CMSS1: variants seen among roughly 807,000 people sequenced by gnomAD.
CMSS1 encodes protein CMSS1.
A neutral mutation model predicts 43.5 loss-of-function variants in CMSS1; 33 were observed. The observed-to-expected ratio is 0.76, with a 90% CI of 0.57 to 1.01. CMSS1 has a LOEUF of 1.01. Among genes scored for constraint, CMSS1 ranks in the 50% least tolerant of loss-of-function variants. The pLI is 0.00. For synonymous variants in CMSS1, 115 were observed against 117.2 expected (o/e 0.98, Z 0.12); for missense variants, 313 against 326.4 (o/e 0.96, Z 0.32).
chr3:100,090,178 C>T (rs1377317547), intron 1 of CMSS1, among the ~76,000 whole-genome samples: 1 of 152,198 alleles, frequency 6.6e-6, no homozygotes, highest in African/African-American at 2.4e-5. Flanking sequence ...TCTATGAATG[C>T]CCCTTCTAGT....
intron 1 of CMSS1, among the ~76,000 whole-genome samples, chr3:100,046,152 G>C (rs551480193): frequency 1.1e-4 from 17 of 152,202 alleles, no homozygotes; most frequent in Non-Finnish European, 2.4e-4. Flanking sequence ...TCAATAACAG[G>C]CTCATCAAAT....
chr3:100,172,196 A>G, intron 7 of CMSS1, 120 bp from the exon 8 acceptor site: 8 of 872,896 alleles, frequency 9.2e-6, no homozygotes, highest in Non-Finnish European at 1.4e-5. Flanking sequence ...TCGACCCTAC[A>G]CAAGGGTAGC....
chr3:100,161,213 C>G (rs899991189), intron 3 of CMSS1, among the ~76,000 whole-genome samples: 4 of 152,208 alleles, frequency 2.6e-5, no homozygotes, highest in Non-Finnish European at 5.9e-5. Flanking sequence ...GGACTCAAAC[C>G]TATTACTTAA....
intron 1 of CMSS1, among the ~76,000 whole-genome samples, chr3:100,122,853 T>C (rs938885914): frequency 6.6e-6 from 1 of 152,228 alleles, no homozygotes; most frequent in African/African-American, 2.4e-5. Flanking sequence ...AGATTTATGG[T>C]AGTACAATAG....
Position 100,160,451 on chromosome 3 carries a change from C to T in CMSS1, c.175C>T (p.Gln59Ter). ...TKQPKECFLIQPKERKENTTK... is the reference protein window; with the variant it reads ...TKQPKECFLI ...ATAGCCTAAAGAATGTTTTTTGATA[C>T]AACCAAAGGAAAGAAAAGAGAATAC... Residue 59 changes from glutamine to a stop codon, truncating the protein, a stop_gained, in exon 3 of 10, where the codon CAA (glutamine) becomes TAA (stop). Coordinates refer to ENST00000421999, the MANE Select transcript of CMSS1 (RefSeq NM_032359.4). LOFTEE classifies it high-confidence loss of function. 6.7e-7 allele frequency: 1 copy of T among 1,502,272 alleles called. No individual in the cohort carries two copies. Among genetic ancestry groups the T allele is most frequent in the Admixed American group, 1.7e-5 (1 of 58,010 alleles). 93.1% of individuals were successfully genotyped at this position (1,502,272 alleles called of 1,614,324 possible).
intron 1 of CMSS1, among the ~76,000 whole-genome samples, chr3:100,069,389 G>A (rs1206061951): frequency 6.6e-6 from 1 of 152,068 alleles, no homozygotes; most frequent in African/African-American, 2.4e-5. Flanking sequence ...CCAGCCATTA[G>A]CTGCCCACAT....
chr3:99,849,623 C>T, intron 1 of CMSS1: 1 of 1,613,422 alleles, frequency 6.2e-7, no homozygotes, highest in Non-Finnish European at 8.5e-7. Context: ...TTGTACTTAG[C>T]AAGTTCCATT....
At chr3:100,071,949 C>T (rs369226378) in intron 1 of CMSS1, among the ~76,000 whole-genome samples, 10 of 152,098 alleles carry the variant, frequency 6.6e-5, no homozygotes, top group South Asian at 4.2e-4. Context: ...GTGTCTTGAT[C>T]GGCAGACTGA....
intron 1 of CMSS1, among the ~76,000 whole-genome samples, chr3:100,126,394 A>C (rs898826334): frequency 2.0e-5 from 3 of 152,190 alleles, no homozygotes; most frequent in Non-Finnish European, 4.4e-5. Context: ...ACTTCTCTTG[A>C]GTAATTGATT....
chr3:99,856,484 C>G (rs1943973034), intron 1 of CMSS1, among the ~76,000 whole-genome samples: 1 of 152,142 alleles, frequency 6.6e-6, no homozygotes, highest in African/African-American at 2.4e-5. Flanking sequence ...AGTGAATCCG[C>G]TCCAATAAAA....
intron 1 of CMSS1, among the ~76,000 whole-genome samples, chr3:100,127,222 G>C (rs2107496756): frequency 6.6e-6 from 1 of 152,286 alleles, no homozygotes; most frequent in East Asian, 1.9e-4. Context: ...GCTTTGTTGT[G>C]ATTATTTTAA....
At position 100,066,183 on chromosome 3, in the gene CMSS1, A is replaced by G. The variant is rs1004453768; in HGVS notation, c.65-80790A>G. Among the ~76,000 whole-genome samples the G allele has an allele frequency of 2.2e-4, 34 of 152,202 alleles. 1 individual carries two copies. Among genetic ancestry groups the G allele is most frequent in the Admixed American group, 2.0e-3 (31 of 15,286 alleles). On this transcript the variant is annotated intron_variant, in intron 1 of 9. Coordinates refer to ENST00000421999, the MANE Select transcript of CMSS1 (RefSeq NM_032359.4). ...TTTCTGATAGCTAAGAGCTGACAGC[A>G]GTATAATGATTTTGTTTTACCATGT...
intron 1 of CMSS1, among the ~76,000 whole-genome samples, chr3:100,133,047 C>T (rs1448934206): frequency 6.6e-6 from 1 of 151,948 alleles, no homozygotes; most frequent in African/African-American, 2.4e-5. Flanking sequence ...CTTTTAAAAA[C>T]ATGTATACCT....
At chr3:99,872,329 G>GTGTGTGTGTGTGTGTGTGTGTGTGT (rs1576535518) in intron 1 of CMSS1, among the ~76,000 whole-genome samples, 1 of 150,460 alleles carries the variant, frequency 6.6e-6, no homozygotes, top group Non-Finnish European at 1.5e-5. Context: ...GTGTGACTGT[G>GTGTGTGTGTGTGTGTGTGTGTGTGT]GGGCCTGGGG....
intron 1 of CMSS1, among the ~76,000 whole-genome samples, chr3:100,088,011 A>G (rs1368404741): frequency 6.6e-6 from 1 of 151,838 alleles, no homozygotes; most frequent in African/African-American, 2.4e-5. Context: ...TTATATTTGT[A>G]GTAGAGATGG....
intron 1 of CMSS1, among the ~76,000 whole-genome samples, chr3:100,082,693 T>C (rs1281408050): frequency 6.6e-6 from 1 of 152,244 alleles, no homozygotes; most frequent in African/African-American, 2.4e-5. Flanking sequence ...GAAGCCTTTA[T>C]AGATGCCACA....
At chr3:99,885,151 T>C (rs1172386783) in intron 1 of CMSS1, among the ~76,000 whole-genome samples, 1 of 152,230 alleles carries the variant, frequency 6.6e-6, no homozygotes, top group African/African-American at 2.4e-5. Flanking sequence ...TCAATTCTAA[T>C]GGAAACTGTT....
chr3:100,178,700 G>A lies in CMSS1; in HGVS notation c.*312G>A, dbSNP rs558256817. The A allele has an allele frequency of 8.3e-4, 189 of 228,810 alleles. 1 individual carries two copies. The highest frequency in any genetic ancestry group is 1.4e-3 in the South Asian group (18 of 12,482). The allele number at this position is 228,810 out of a possible 1,614,324, so 14.2% of individuals were successfully genotyped here. On this transcript the variant is annotated 3_prime_UTR_variant, in exon 10 of 10. Coordinates refer to ENST00000421999, the MANE Select transcript of CMSS1 (RefSeq NM_032359.4). ...AGCAGCTGGGTGACCTTAGGCAAGC[G>A]TAAGGTCTTGCCTCTCTGAGCCCCA...
intron 1 of CMSS1, among the ~76,000 whole-genome samples, chr3:100,130,492 C>T (rs1317398335): frequency 2.0e-5 from 3 of 152,148 alleles, no homozygotes; most frequent in Admixed American, 2.0e-4. Flanking sequence ...GGATCCTATG[C>T]TGCCTCCAGA....
Sources: gnomAD v4.1 joint callset for allele counts (sites outside exome capture counted in the v4.1 genomes callset) on GRCh38, gnomAD v4.1.1 for gene constraint, MANE v1.5 for transcripts, NCBI Gene and HGNC (gene_info 2026-07-23, HGNC 2026-07-21) for gene names.